Variants in RAP1B observed in about 807,000 individuals in gnomAD.
RAP1B encodes the protein RAP1B, member of RAS oncogene family.
Under a neutral mutation model 27.5 loss-of-function variants are expected in RAP1B, and 1 was observed. That is an observed-to-expected ratio of 0.04 (90% CI 0.01 to 0.17). RAP1B has a LOEUF of 0.17. RAP1B is among the 10% of genes least tolerant of loss of function. The pLI is 1.00. For synonymous variants in RAP1B, 75 were observed against 73.1 expected (o/e 1.03, Z -0.13); for missense variants, 84 against 214.8 (o/e 0.39, Z 3.81).
At chr12:68,613,700 C>T (rs1294427210) in intron 1 of RAP1B, among the ~76,000 whole-genome samples, 1 of 151,964 alleles carries the variant, frequency 6.6e-6, no homozygotes, top group African/African-American at 2.4e-5. Context: ...CTTCCTAGCG[C>T]GTTGCCTGGG....
chr12:68,630,405 T>C (rs1310621999), intron 1 of RAP1B, among the ~76,000 whole-genome samples: 1 of 152,086 alleles, frequency 6.6e-6, no homozygotes, highest in Non-Finnish European at 1.5e-5. Flanking sequence ...AACAAAATTT[T>C]ATTTACCAAA....
At chr12:68,659,123 C>T (rs929511096) in intron 7 of RAP1B, among the ~76,000 whole-genome samples, 157 bp from the exon 8 acceptor site, 1 of 152,132 alleles carries the variant, frequency 6.6e-6, no homozygotes, top group East Asian at 1.9e-4. Flanking sequence ...AAAGGTCTGC[C>T]GTGAATTGTG....
At chr12:68,628,594 A>G (rs1871995480) in intron 1 of RAP1B, among the ~76,000 whole-genome samples, 1 of 152,206 alleles carries the variant, frequency 6.6e-6, no homozygotes, top group Non-Finnish European at 1.5e-5. Context: ...TATCCTTGTG[A>G]GAGAAAAGTA....
Position 68,663,634 on chromosome 12 carries a change from TACAC to T in RAP1B, c.*4389_*4392del, listed in dbSNP as rs1356268582. 3.9e-5 allele frequency: 6 copies of T among 152,248 alleles called. No homozygotes were observed. The highest frequency in any genetic ancestry group is 8.8e-5 in the Non-Finnish European group (6 of 68,038). The allele number at this position is 152,248 out of a possible 1,614,324, so 9.4% of individuals were successfully genotyped here. ...ATTTTTTAAAAAAAGTATTCCATGT[TACAC>T]ACATTTTAAACTTGCTTCTTAAAAC... On this transcript the variant is annotated 3_prime_UTR_variant, in exon 8 of 8. Coordinates refer to ENST00000250559, the MANE Select transcript of RAP1B (RefSeq NM_001010942.3).
chr12:68,620,838 T>C (rs1337604127), intron 1 of RAP1B, among the ~76,000 whole-genome samples: 1 of 152,150 alleles, frequency 6.6e-6, no homozygotes, highest in African/African-American at 2.4e-5. Context: ...TTCTTCCACC[T>C]CAGTCCTCCA....
At chr12:68,621,307 C>T (rs959526417) in intron 1 of RAP1B, 4 of 152,160 alleles carry the variant, frequency 2.6e-5, no homozygotes, top group Middle Eastern at 3.2e-3. Context: ...ATACTGAGAT[C>T]GTATTTTATG....
intron 1 of RAP1B, among the ~76,000 whole-genome samples, chr12:68,639,440 A>G (rs893713251): frequency 2.0e-5 from 3 of 152,372 alleles, no homozygotes; most frequent in East Asian, 3.9e-4. Flanking sequence ...TCCTTAGAAA[A>G]TAGTACAAGG....
chr12:68,635,644 G>A (rs1303958989), intron 1 of RAP1B, among the ~76,000 whole-genome samples: 3 of 151,682 alleles, frequency 2.0e-5, no homozygotes, highest in Non-Finnish European at 4.4e-5. Context: ...TGGTAGAGAC[G>A]GGGTTTCACC....
At chr12:68,642,286 AAATG>A (rs1329297134) in intron 1 of RAP1B, among the ~76,000 whole-genome samples, 1 of 152,224 alleles carries the variant, frequency 6.6e-6, no homozygotes, top group Non-Finnish European at 1.5e-5. Context: ...GAGCACATGT[AAATG>A]AAGAAAATCT....
In RAP1B at chr12:68,669,585, G is replaced by A. The variant is rs187228847; in HGVS notation, c.*10336G>A. 9.1e-3 allele frequency: 1,381 copies of A among 152,246 alleles called. 13 individuals carry two copies. The highest frequency in any genetic ancestry group is 0.013 in the Non-Finnish European group (852 of 68,078). The allele number at this position is 152,246 out of a possible 1,614,324, so 9.4% of individuals were successfully genotyped here. On this transcript the variant is annotated 3_prime_UTR_variant, in exon 8 of 8. Coordinates refer to ENST00000250559, the MANE Select transcript of RAP1B (RefSeq NM_001010942.3). ...TCGGAGGCCGAGGGGGGCGGATCAC[G>A]AGGTCAGGAGATGGAGACCATCCTG...
intron 7 of RAP1B, among the ~76,000 whole-genome samples, chr12:68,658,916 T>C (rs899727304): frequency 7.2e-5 from 11 of 152,240 alleles, no homozygotes; most frequent in Admixed American, 7.2e-4. Context: ...TTTGTTAATA[T>C]TGCTATCTGA....
rs1870512295 is a variant in RAP1B, at chr12:68,610,927, G to A, written c.-143G>A. ...ATCGCCAAACCTCGCCCAGATTCAG[G>A]CGTGTAAACCAGCCGGAGCGGCGCG... On this transcript the variant is annotated 5_prime_UTR_variant, in exon 1 of 8. Coordinates refer to ENST00000250559, the MANE Select transcript of RAP1B (RefSeq NM_001010942.3). 9.7e-6 allele frequency: 3 copies of A among 309,310 alleles called. No homozygotes were observed. Among genetic ancestry groups the A allele is most frequent in the African/African-American group, 4.4e-5 (2 of 45,068 alleles). The allele number at this position is 309,310 out of a possible 1,614,324, so 19.2% of individuals were successfully genotyped here.
intron 1 of RAP1B, among the ~76,000 whole-genome samples, chr12:68,632,147 T>TG (rs1872305627): frequency 9.3e-6 from 1 of 107,914 alleles, no homozygotes; most frequent in Admixed American, 8.7e-5. Flanking sequence ...TTTTTTTTTG[T>TG]TTGTTTTTTT....
chr12:68,642,770 G>T, intron 1 of RAP1B: 1 of 1,057,732 alleles, frequency 9.5e-7, no homozygotes. Context: ...AACCTTCAGG[G>T]CATTAAACTT....
chr12:68,652,644 G>A (rs1035270809), intron 4 of RAP1B, among the ~76,000 whole-genome samples: 17 of 151,702 alleles, frequency 1.1e-4, no homozygotes, highest in Non-Finnish European at 2.2e-4. Flanking sequence ...GTGAAACCCC[G>A]TATCTACTAA....
At chr12:68,613,802 A>G (rs1208272406) in intron 1 of RAP1B, among the ~76,000 whole-genome samples, 1 of 152,248 alleles carries the variant, frequency 6.6e-6, no homozygotes, top group African/African-American at 2.4e-5. Context: ...AGGATATTTG[A>G]AGAGAACAGT....
chr12:68,629,245 C>G (rs913849122), intron 1 of RAP1B, among the ~76,000 whole-genome samples: 3 of 152,176 alleles, frequency 2.0e-5, no homozygotes, highest in African/African-American at 7.2e-5. Flanking sequence ...TCTCAAAGTG[C>G]TAGGATTACA....
chr12:68,657,259 C>T (rs1010372222), intron 7 of RAP1B, 42 bp downstream of exon 7: 3 of 1,255,038 alleles, frequency 2.4e-6, no homozygotes, highest in African/African-American at 1.5e-5. Flanking sequence ...ATCACTCAAC[C>T]TTATTAAGGG....
chr12:68,615,186 A>C (rs558253116), intron 1 of RAP1B, among the ~76,000 whole-genome samples: 1 of 152,290 alleles, frequency 6.6e-6, no homozygotes, highest in Admixed American at 6.5e-5. Flanking sequence ...TACAGTAGCA[A>C]CTGATTATTT....
Sources: allele counts gnomAD v4.1 joint callset (sites outside exome capture counted in the v4.1 genomes callset), GRCh38; gene constraint gnomAD v4.1.1; transcripts MANE v1.5; gene names NCBI Gene and HGNC (gene_info 2026-07-23, HGNC 2026-07-21).